Variants in BOD1L1 observed in about 807,000 individuals in gnomAD.
BOD1L1 encodes biorientation of chromosomes in cell division protein 1-like 1.
In BOD1L1, 86 loss-of-function variants were observed where a neutral mutation model predicts 240.7. The observed-to-expected ratio is 0.36, with a 90% CI of 0.30 to 0.43. The LOEUF (loss-of-function observed/expected upper bound fraction) is 0.43, where lower values mean the gene tolerates loss of function less well. Ranked by LOEUF, BOD1L1 falls within the 20% of genes least tolerant of loss-of-function variation. The pLI is 1.00. For missense variants in BOD1L1, 3,554 were observed against 3,643.5 expected (o/e 0.98, Z 0.63); for synonymous variants, 1,268 against 1,272.3 (o/e 1.00, Z 0.07).
At chr4:13,579,797 G>A (rs1713076134) in intron 22 of BOD1L1, 131 bp downstream of exon 22, 2 of 655,096 alleles carry the variant, frequency 3.1e-6, no homozygotes, top group Non-Finnish European at 5.2e-6. Flanking sequence ...CAGATACAAG[G>A]ACAATTATTT....
intron 12 of BOD1L1, chr4:13,592,276 A>G (rs915687948): frequency 3.6e-6 from 1 of 278,036 alleles, no homozygotes; most frequent in African/African-American, 2.2e-5. Context: ...AAAAAAGTAA[A>G]AGACCTTAAT....
intron 1 of BOD1L1, chr4:13,623,736 A>C (rs556435528): frequency 2.0e-5 from 3 of 152,344 alleles, no homozygotes; most frequent in African/African-American, 7.2e-5. Context: ...ACTAAACTGG[A>C]TGACAGTTTT....
Position 13,570,074 on chromosome 4 carries a change from A to G in BOD1L1, c.9093T>C (p.Pro3031=). ...SIKRKREVSP[P]GARTRGQQRV... ...TTTGCTGGCCTCTTGTTCGGGCCCC[A>G]GGAGGGCTGACTTCTCTCTTGCGCT... Residue 3031 remains proline (P), a synonymous_variant, in exon 26 of 26, where the codon CCT becomes CCC. Transcript: ENST00000040738. 6.2e-7 allele frequency: 1 copy of G among 1,606,244 alleles called. No individual in the cohort carries two copies. Among genetic ancestry groups the G allele is most frequent in the South Asian group, 1.1e-5 (1 of 89,916 alleles).
rs754365249 is a variant in BOD1L1 at position 13,608,525 on chromosome 4, T to C, written c.1742+5A>G. ...AAGGGAAACATGACCAGATAAAATA[T>C]GTACCTTGAATCTTTTTTTCTCTTT... On this transcript the variant is annotated splice_donor_5th_base_variant and intron_variant, in intron 8 of 25. Transcript: ENST00000040738. 9 of 1,531,684 alleles carry C rather than the reference T, an allele frequency of 5.9e-6. No individual in the cohort carries two copies. Among genetic ancestry groups the C allele is most frequent in the East Asian group, 4.7e-5 (2 of 42,274 alleles). 94.9% of individuals were successfully genotyped at this position (1,531,684 alleles called of 1,614,324 possible).
Position 13,627,483 on chromosome 4 carries a change from G to T in BOD1L1, c.105C>A (p.Gly35=), listed in dbSNP as rs1014292958. 6 of 1,010,184 alleles carry T rather than the reference G, an allele frequency of 5.9e-6. No homozygotes were observed. The African/African-American group carries it at 7.0e-5, about 12-fold the overall frequency. 62.6% of individuals were successfully genotyped at this position (1,010,184 alleles called of 1,614,324 possible). A position where few individuals can be genotyped will look rare whatever the true frequency, so the allele number is the denominator to read the frequency against. Residue 35 remains glycine, a synonymous_variant, in exon 1 of 26, where the codon GGC becomes GGA. Transcript: ENST00000040738. ...PPPPPPGPGA[G]PGAGGAGGAG... Reference sequence around the variant, plus strand: ...CGCCGCCCGCCCCGCCCGCGCCGGGGCCAGCCCCGGGGCCCGGCGGCGGCG... The same window carrying T: ...CGCCGCCCGCCCCGCCCGCGCCGGGTCCAGCCCCGGGGCCCGGCGGCGGCG...
In BOD1L1 at chr4:13,594,696, A is replaced by G. The variant is rs563520968; in HGVS notation, c.8104+1164T>C. Among the ~76,000 whole-genome samples the G allele has an allele frequency of 2.0e-4, 31 of 152,272 alleles. No individual in the cohort carries two copies. In the South Asian group the frequency reaches 6.2e-3, roughly 31 times the overall value. On this transcript the variant is annotated intron_variant, in intron 12 of 25. Transcript: ENST00000040738. ...CGGATCACGAGGTCAGGAGATCGAG[A>G]CCATCCTGGCCAATATGGTGAAACC...
intron 7 of BOD1L1, among the ~76,000 whole-genome samples, chr4:13,609,010 CAT>C (rs1192639569): frequency 2.6e-5 from 4 of 152,144 alleles, no homozygotes; most frequent in African/African-American, 9.7e-5. Context: ...GTTGATAACT[CAT>C]GTGTTAACAA....
At chr4:13,591,544 T>C (rs751143800) in intron 13 of BOD1L1, among the ~76,000 whole-genome samples, 118 of 152,340 alleles carry the variant, frequency 7.7e-4, no homozygotes, top group Non-Finnish European at 1.1e-3. Flanking sequence ...TATGTACACA[T>C]AGCAGTTACA....
At chr4:13,580,112 A>G (rs983499658) in intron 21 of BOD1L1, 139 bp from the exon 22 acceptor site, 62 of 620,822 alleles carry the variant, frequency 1.0e-4, no homozygotes, top group South Asian at 7.0e-4. Flanking sequence ...TCTGTAATTG[A>G]TTAAGTATAC....
rs1434791111 is a variant in BOD1L1 at position 13,591,233 on chromosome 4, T to C, written c.8148+690A>G. On this transcript the variant is annotated intron_variant, in intron 13 of 25. Coordinates refer to ENST00000040738, the MANE Select transcript of BOD1L1 (RefSeq NM_148894.3). ...TCTTTTTAACTCTTGGATGGCAAACTTGAACCACACCAAGTGGTGCTTTTC... is the reference window on the plus strand; with the variant it reads ...TCTTTTTAACTCTTGGATGGCAAACCTGAACCACACCAAGTGGTGCTTTTC... Among the ~76,000 whole-genome samples, 5 of 152,154 alleles carry C rather than the reference T, an allele frequency of 3.3e-5. No homozygotes were observed. In the East Asian group the frequency reaches 9.7e-4, roughly 29 times the overall value.
Position 13,614,201 on chromosome 4 carries a change from T to C in BOD1L1, c.1169A>G (p.Lys390Arg), listed in dbSNP as rs1270799028. ...SNKAKTVEGTKEDFSLIDSDV... is the reference protein window; with the variant it reads ...SNKAKTVEGTREDFSLIDSDV... ...GTTTGCAAGTTTTTATATACCTTCT[T>C]TTGTCCCTTCAACAGTTTTAGCTTT... The change falls in exon 4 of 26, where the codon AAA becomes AGA. Residue 390 changes from lysine to arginine, a missense_variant. Lys to Arg is a conservative substitution (Grantham distance 26). This residue lies in a region of BOD1L1 where 3,393 missense variants were observed against 3,427.1 expected (regional missense o/e 0.99). Coordinates refer to ENST00000040738, the MANE Select transcript of BOD1L1 (RefSeq NM_148894.3). 3 of 1,499,966 alleles carry C rather than the reference T, an allele frequency of 2.0e-6. No homozygotes were observed. The East Asian group carries it at 7.4e-5, about 37-fold the overall frequency. The allele number at this position is 1,499,966 out of a possible 1,614,324, so 92.9% of individuals were successfully genotyped here.
At chr4:13,622,291 T>C (rs1717096930) in intron 1 of BOD1L1, among the ~76,000 whole-genome samples, 1 of 152,214 alleles carries the variant, frequency 6.6e-6, no homozygotes, top group Non-Finnish European at 1.5e-5. Context: ...TCTAGTCTAG[T>C]CTTCCCAGAA....
rs1157888680 is a variant in BOD1L1, at chr4:13,602,557, G to T, written c.4343C>A (p.Thr1448Lys). 42 of 1,613,782 alleles carry T rather than the reference G, an allele frequency of 2.6e-5. No homozygotes were observed. Among genetic ancestry groups the T allele is most frequent in the Non-Finnish European group, 3.1e-5 (37 of 1,179,880 alleles). Residue 1448 changes from threonine to lysine, a missense_variant, in exon 10 of 26, where the codon ACA becomes AAA. Thr to Lys is a moderately conservative substitution (Grantham distance 78). Transcript: ENST00000040738. ...TTTGACAGTTTCAGCATATTTTTCT[G>T]TATTCAGGCCTACAACATGATCAAC... ...IAVDHVVGLN[T>K]EKYAETVKLK... is the part of the protein sequence containing the mutation.
rs370942146 is a variant in BOD1L1 at position 13,603,695 on chromosome 4, T to G, written c.3205A>C (p.Arg1069=). 3.7e-6 allele frequency: 6 copies of G among 1,613,868 alleles called. No individual in the cohort carries two copies. The African/African-American group carries it at 8.0e-5, about 22-fold the overall frequency. The part of the protein sequence containing the change: ...SSLMEKKLSR[R]LCENRRGSLS... Reference sequence around the variant, plus strand: ...CTTCCTCTCCGATTTTCGCACAACCTTCTACTTAATTTCTTTTCCATGAGT... The same window carrying G: ...CTTCCTCTCCGATTTTCGCACAACCGTCTACTTAATTTCTTTTCCATGAGT... Residue 1069 remains arginine (R), a synonymous_variant, in exon 10 of 26, where the codon AGG becomes CGG. Transcript: ENST00000040738.
chr4:13,577,358 G>A, intron 24 of BOD1L1, 45 bp downstream of exon 24: 1 of 1,533,434 alleles, frequency 6.5e-7, no homozygotes, highest in Non-Finnish European at 8.9e-7. Flanking sequence ...TTAAAAAGGT[G>A]GTTTTGAAAC....
Position 13,569,198 on chromosome 4 carries a change from G to A in BOD1L1, c.*813C>T, listed in dbSNP as rs2108865233. 1 of 152,296 alleles carries A rather than the reference G, an allele frequency of 6.6e-6. No homozygotes were observed. Among genetic ancestry groups the A allele is most frequent in the East Asian group, 1.9e-4 (1 of 5,188 alleles). 9.4% of individuals were successfully genotyped at this position (152,296 alleles called of 1,614,324 possible). A position where few individuals can be genotyped will look rare whatever the true frequency, so the allele number is the denominator to read the frequency against. ...GAAGCTTCAGAACAGCACAGAAGAG[G>A]AATGAACACAGAGAAGAGGAATGAA... On this transcript the variant is annotated 3_prime_UTR_variant, in exon 26 of 26. Transcript: ENST00000040738.
intron 25 of BOD1L1, among the ~76,000 whole-genome samples, chr4:13,576,287 C>T (rs1424198421): frequency 6.6e-6 from 1 of 152,036 alleles, no homozygotes; most frequent in Non-Finnish European, 1.5e-5. Flanking sequence ...CTCATCTGAC[C>T]GTGGTACTCT....
intron 10 of BOD1L1, among the ~76,000 whole-genome samples, chr4:13,597,461 A>G (rs1714718140): frequency 6.6e-6 from 1 of 152,260 alleles, no homozygotes. Flanking sequence ...ATTTCCAAGT[A>G]TTTTTCTGCA....
At chr4:13,576,158 C>T (rs1434489089) in intron 25 of BOD1L1, among the ~76,000 whole-genome samples, 8 of 151,762 alleles carry the variant, frequency 5.3e-5, no homozygotes, top group Non-Finnish European at 8.8e-5. Context: ...CCTTGGCCTC[C>T]CAAAGTGCTG....
Sources: gnomAD v4.1 joint callset for allele counts (sites outside exome capture counted in the v4.1 genomes callset) on GRCh38, gnomAD v4.1.1 for gene constraint, gnomAD v4.1.1 regional missense constraint, MANE v1.5 for transcripts, NCBI Gene and HGNC (gene_info 2026-07-23, HGNC 2026-07-21) for gene names.